Variants in PITPNC1 observed in about 807,000 individuals in gnomAD.
The protein encoded by PITPNC1 is cytoplasmic phosphatidylinositol transfer protein 1.
A neutral mutation model predicts 44.7 loss-of-function variants in PITPNC1; 18 were observed. That is an observed-to-expected ratio of 0.40 (90% confidence interval 0.28 to 0.60). The LOEUF (loss-of-function observed/expected upper bound fraction) is 0.60, where lower values mean the gene tolerates loss of function less well. Ranked by LOEUF, PITPNC1 falls within the 20% of genes least tolerant of loss-of-function variation. The probability of loss-of-function intolerance (pLI) is 0.39; values close to 1 mark genes in which losing one functional copy is unlikely to be tolerated. For missense variants in PITPNC1, 290 were observed against 418.4 expected, an observed-to-expected ratio of 0.69 and a Z score of 2.68; for synonymous variants, 141 against 149.6, an observed-to-expected ratio of 0.94 and a Z score of 0.42.
chr17:67,618,481 T>C (rs2041789490), intron 5 of PITPNC1, among the ~76,000 whole-genome samples: 1 of 152,078 alleles, frequency 6.6e-6, no homozygotes, highest in Non-Finnish European at 1.5e-5. Context: ...CTGGGCATAG[T>C]GGCTCACGCC....
At chr17:67,531,681 AGG>A (rs1016719366) in intron 1 of PITPNC1, among the ~76,000 whole-genome samples, 1 of 152,224 alleles carries the variant, frequency 6.6e-6, no homozygotes, top group Non-Finnish European at 1.5e-5. Flanking sequence ...GCAGACAGAC[AGG>A]GGACCCGCAT....
intron 1 of PITPNC1, among the ~76,000 whole-genome samples, chr17:67,436,293 C>T (rs762788100): frequency 3.3e-5 from 5 of 152,248 alleles, no homozygotes; most frequent in South Asian, 2.1e-4. Context: ...CCTGAGCCAC[C>T]GTGTCTGGCT....
intron 3 of PITPNC1, 88 bp from the exon 4 acceptor site, chr17:67,553,522 G>T: frequency 1.8e-6 from 1 of 556,328 alleles, no homozygotes; most frequent in Non-Finnish European, 3.2e-6. Flanking sequence ...TTAGTTCTGT[G>T]GTTTTTATAT....
chr17:67,387,350 C>A (rs2038070241), intron 1 of PITPNC1, among the ~76,000 whole-genome samples: 1 of 152,134 alleles, frequency 6.6e-6, no homozygotes, highest in Admixed American at 6.6e-5. Flanking sequence ...CTGAACACTC[C>A]ATCTACAATA....
intron 1 of PITPNC1, among the ~76,000 whole-genome samples, chr17:67,409,972 C>G (rs917237650): frequency 3.3e-5 from 5 of 152,220 alleles, no homozygotes; most frequent in Non-Finnish European, 7.3e-5. Flanking sequence ...TTGCTCTGAA[C>G]TCACTTGAAC....
In PITPNC1 at chr17:67,601,241, A is replaced by T. The variant is rs550415922; in HGVS notation, c.366+22984A>T. On this transcript the variant is annotated intron_variant, in intron 5 of 8. Coordinates refer to ENST00000581322, the MANE Select transcript of PITPNC1 (RefSeq NM_012417.4). ...AAGAGCTCCTCTAGAGGAAAGACAG[A>T]TCACGTACAAAGGGACAATCCTCAT... Among the ~76,000 whole-genome samples, 143 of 152,322 alleles carry T rather than the reference A, an allele frequency of 9.4e-4. 1 individual carries two copies. The Middle Eastern group carries it at 0.017, about 18-fold the overall frequency.
chr17:67,442,856 G>A (rs113067243), intron 1 of PITPNC1, among the ~76,000 whole-genome samples: 8,334 of 151,754 alleles, frequency 0.055, 741 homozygotes, highest in African/African-American at 0.19. Flanking sequence ...CTCTGTCCCA[G>A]AAAAACTAAA....
intron 8 of PITPNC1, among the ~76,000 whole-genome samples, chr17:67,675,929 G>A (rs550854973): frequency 1.3e-5 from 2 of 152,164 alleles, no homozygotes; most frequent in Admixed American, 6.5e-5. Flanking sequence ...ACCCCTTGCC[G>A]GGCGCAGTGG....
At chr17:67,556,287 A>G (rs2040837621) in intron 4 of PITPNC1, among the ~76,000 whole-genome samples, 1 of 152,182 alleles carries the variant, frequency 6.6e-6, no homozygotes, top group Admixed American at 6.5e-5. Context: ...GCACTCAAGG[A>G]GGTTACTCAG....
intron 1 of PITPNC1, among the ~76,000 whole-genome samples, chr17:67,450,980 C>A (rs1021368588): frequency 1.3e-5 from 2 of 152,124 alleles, no homozygotes; most frequent in African/African-American, 2.4e-5. Context: ...TATCTGGCGT[C>A]TTTTTCTTAG....
intron 6 of PITPNC1, among the ~76,000 whole-genome samples, chr17:67,665,911 G>C (rs929745916): frequency 6.6e-6 from 1 of 151,430 alleles, no homozygotes; most frequent in Non-Finnish European, 1.5e-5. Flanking sequence ...CACAATCTCG[G>C]CTCACTGCAA....
chr17:67,603,386 T>C (rs1027437633), intron 5 of PITPNC1, among the ~76,000 whole-genome samples: 4 of 152,208 alleles, frequency 2.6e-5, no homozygotes, highest in East Asian at 3.8e-4. Flanking sequence ...AGACGGATAT[T>C]GGCAGGAATA....
intron 6 of PITPNC1, among the ~76,000 whole-genome samples, chr17:67,637,088 T>C (rs1221373089): frequency 1.3e-5 from 2 of 152,222 alleles, no homozygotes; most frequent in East Asian, 3.9e-4. Context: ...GCATGAGCTC[T>C]GCGAAGACAA....
intron 1 of PITPNC1, among the ~76,000 whole-genome samples, chr17:67,512,500 CAAA>C (rs1006177232): frequency 3.4e-5 from 2 of 59,690 alleles, no homozygotes; most frequent in Non-Finnish European, 3.4e-5. Context: ...GACTGTGTCT[CAAA>C]AAAAAAAAAA....
intron 1 of PITPNC1, among the ~76,000 whole-genome samples, chr17:67,469,951 C>G (rs1439681692): frequency 6.6e-6 from 1 of 151,870 alleles, no homozygotes; most frequent in Non-Finnish European, 1.5e-5. Context: ...GAGACAGAAT[C>G]TTGTTTTGTC....
intron 1 of PITPNC1, among the ~76,000 whole-genome samples, chr17:67,496,151 A>G (rs2039949578): frequency 6.6e-6 from 1 of 152,208 alleles, no homozygotes; most frequent in South Asian, 2.1e-4. Context: ...TTGACCTTAG[A>G]GGAAAAAATG....
chr17:67,536,465 G>A (rs1305394260), intron 2 of PITPNC1, among the ~76,000 whole-genome samples: 1 of 152,142 alleles, frequency 6.6e-6, no homozygotes, highest in Non-Finnish European at 1.5e-5. Context: ...GACCTCAAAT[G>A]ATCCACCAGC....
At chr17:67,589,035 A>T (rs149818384) in intron 5 of PITPNC1, among the ~76,000 whole-genome samples, 153 of 152,168 alleles carry the variant, frequency 1.0e-3, no homozygotes, top group African/African-American at 3.4e-3. Context: ...TGCACAAAAC[A>T]CTCCCATTTG....
chr17:67,622,381 C>CATAT (rs57000667), intron 5 of PITPNC1, among the ~76,000 whole-genome samples: 2,030 of 147,948 alleles, frequency 0.014, 58 homozygotes, highest in African/African-American at 0.048. Flanking sequence ...ATTGTATATT[C>CATAT]ATATATATAT....
Sources: gnomAD v4.1 joint callset for allele counts (sites outside exome capture counted in the v4.1 genomes callset) on GRCh38, gnomAD v4.1.1 for gene constraint, MANE v1.5 for transcripts, NCBI Gene and HGNC (gene_info 2026-07-23, HGNC 2026-07-21) for gene names.